NTRK3: variants seen among roughly 807,000 people sequenced by gnomAD.
NTRK3 encodes neurotrophic receptor tyrosine kinase 3.
NTRK3 carries 24 observed loss-of-function variants against 91.7 expected under a neutral mutation model. That is an observed-to-expected ratio of 0.26 (90% CI 0.19 to 0.37). The LOEUF (loss-of-function observed/expected upper bound fraction) is 0.37. Ranked by LOEUF, NTRK3 falls within the 10% of genes least tolerant of loss-of-function variation. The probability of loss-of-function intolerance (pLI) is 1.00; values close to 1 mark genes in which losing one functional copy is unlikely to be tolerated. For missense variants in NTRK3, 880 were observed against 1,068.9 expected, an observed-to-expected ratio of 0.82 and a Z score of 2.46; for synonymous variants, 483 against 404.0, an observed-to-expected ratio of 1.20 and a Z score of -2.34.
At chr15:88,203,358 T>C (rs1190040671) in intron 3 of NTRK3, among the ~76,000 whole-genome samples, 1 of 152,194 alleles carries the variant, frequency 6.6e-6, no homozygotes, top group Non-Finnish European at 1.5e-5. Flanking sequence ...CTCTGTCTCC[T>C]ACCGCATGAC....
intron 5 of NTRK3, among the ~76,000 whole-genome samples, chr15:88,179,627 G>T (rs2046290765): frequency 6.6e-6 from 1 of 152,192 alleles, no homozygotes; most frequent in African/African-American, 2.4e-5. Context: ...CCATGCCAGA[G>T]AAAACACACC....
intron 3 of NTRK3, among the ~76,000 whole-genome samples, chr15:88,252,289 C>T (rs2053482427): frequency 6.6e-6 from 1 of 152,090 alleles, no homozygotes; most frequent in African/African-American, 2.4e-5. Flanking sequence ...TGGGTCTCCC[C>T]TTGATCCTTA....
rs549040545 is a variant in NTRK3 at position 88,065,349 on chromosome 15, G to A, written c.1397-32304C>T. On this transcript the variant is annotated intron_variant, in intron 13 of 18. Transcript: ENST00000394480. ...TTCTTAGTCCTGTTTCCAGTTCAGAGCACTTTAAGACTAAAGTCAAAAGTA... is the reference window on the plus strand; with the variant it reads ...TTCTTAGTCCTGTTTCCAGTTCAGAACACTTTAAGACTAAAGTCAAAAGTA... 3.9e-5 allele frequency among the ~76,000 whole-genome samples: 6 copies of A among 152,288 alleles called. No homozygotes were observed. The East Asian group carries it at 1.2e-3, about 29-fold the overall frequency.
chr15:87,907,314 A>G (rs903606855), intron 17 of NTRK3, among the ~76,000 whole-genome samples: 10 of 152,292 alleles, frequency 6.6e-5, no homozygotes, highest in African/African-American at 2.4e-4. Flanking sequence ...TTGTTCTGAA[A>G]TACCCTAGCT....
chr15:88,168,834 G>A (rs2151488020), intron 5 of NTRK3, among the ~76,000 whole-genome samples: 2 of 152,384 alleles, frequency 1.3e-5, no homozygotes, highest in Middle Eastern at 6.8e-3. Context: ...ACAAGCATCA[G>A]GAGAGGCTGT....
chr15:87,995,006 G>A (rs1349546255), intron 14 of NTRK3, among the ~76,000 whole-genome samples: 3 of 152,334 alleles, frequency 2.0e-5, no homozygotes, highest in African/African-American at 7.2e-5. Flanking sequence ...ATTAAGTGAT[G>A]TACCTTCAAC....
chr15:87,880,738 T>A (rs956332051), intron 17 of NTRK3, among the ~76,000 whole-genome samples: 2 of 152,168 alleles, frequency 1.3e-5, no homozygotes, highest in African/African-American at 4.8e-5. Context: ...CAGAAAAATC[T>A]AACCTTAAGA....
intron 17 of NTRK3, among the ~76,000 whole-genome samples, chr15:87,902,343 G>A (rs2066505264): frequency 6.6e-6 from 1 of 152,212 alleles, no homozygotes; most frequent in South Asian, 2.1e-4. Flanking sequence ...CCCTGACGAG[G>A]ACAAGCCTTC....
chr15:87,888,810 C>T (rs773271589), intron 17 of NTRK3, among the ~76,000 whole-genome samples: 44 of 151,682 alleles, frequency 2.9e-4, no homozygotes, highest in Admixed American at 7.9e-4. Flanking sequence ...AGCAAGGTGT[C>T]CTGTATTTTT....
intron 13 of NTRK3, among the ~76,000 whole-genome samples, chr15:88,067,590 T>A (rs542921036): frequency 6.6e-6 from 1 of 152,172 alleles, no homozygotes; most frequent in African/African-American, 2.4e-5. Context: ...CAGAAACATA[T>A]GAACTTGGGA....
chr15:88,188,769 G>C (rs577887400), intron 3 of NTRK3, among the ~76,000 whole-genome samples: 1 of 152,350 alleles, frequency 6.6e-6, no homozygotes, highest in South Asian at 2.1e-4. Context: ...TGGCCTGCTG[G>C]ACCGTGGCCC....
At chr15:88,135,913 G>C (rs1187821886) in exon 9 of NTRK3, 1 of 1,614,150 alleles carries the variant, frequency 6.2e-7, no homozygotes. Flanking sequence ...GACAGTGAGG[G>C]CAACACTGGC....
intron 13 of NTRK3, among the ~76,000 whole-genome samples, chr15:88,077,159 A>C (rs1411936710): frequency 6.6e-6 from 1 of 152,154 alleles, no homozygotes; most frequent in Non-Finnish European, 1.5e-5. Flanking sequence ...AAATGAAGGA[A>C]TGGACAGTTG....
At chr15:87,880,488 T>G (rs1339123126) in intron 17 of NTRK3, 60 bp from the exon 19 acceptor site, 3 of 1,562,986 alleles carry the variant, frequency 1.9e-6, no homozygotes, top group African/African-American at 1.4e-5. Context: ...GAGTGTTATC[T>G]GTCTGCACTC....
chr15:88,238,992 C>T (rs1237670333), intron 3 of NTRK3, among the ~76,000 whole-genome samples: 1 of 152,244 alleles, frequency 6.6e-6, no homozygotes, highest in African/African-American at 2.4e-5. Context: ...TCCACTCAGA[C>T]AGTGGCTGTG....
intron 10 of NTRK3, among the ~76,000 whole-genome samples, chr15:88,133,422 C>T (rs1375859984): frequency 6.6e-6 from 1 of 152,152 alleles, no homozygotes; most frequent in Non-Finnish European, 1.5e-5. Context: ...GTCTTCTCCT[C>T]CCTCCTGAGC....
chr15:88,172,483 C>T (rs1175755197), intron 5 of NTRK3, among the ~76,000 whole-genome samples: 1 of 152,180 alleles, frequency 6.6e-6, no homozygotes, highest in Non-Finnish European at 1.5e-5. Context: ...CTAGGAGATG[C>T]ACAGCCCAGA....
At chr15:88,051,006 T>C (rs1055075787) in intron 13 of NTRK3, among the ~76,000 whole-genome samples, 3 of 152,196 alleles carry the variant, frequency 2.0e-5, no homozygotes, top group African/African-American at 7.2e-5. Context: ...TACTCTCTAA[T>C]ACCATTTAGG....
chr15:88,198,999 G>C (rs1248912661), intron 3 of NTRK3, among the ~76,000 whole-genome samples: 1 of 152,126 alleles, frequency 6.6e-6, no homozygotes, highest in East Asian at 1.9e-4. Context: ...CATGGAACTA[G>C]GGCTGATATT....
Sources: allele counts gnomAD v4.1 joint callset (sites outside exome capture counted in the v4.1 genomes callset), GRCh38; gene constraint gnomAD v4.1.1; transcripts MANE v1.5; gene names NCBI Gene and HGNC (gene_info 2026-07-23, HGNC 2026-07-21).